The following DHX29 variants were observed in gnomAD, a reference collection of about 807,000 sequenced individuals.
DHX29 encodes the protein ATP-dependent RNA helicase DHX29.
DHX29 carries 79 observed loss-of-function variants against 167.9 expected under a neutral mutation model. The observed-to-expected ratio is 0.47, with a 90% CI of 0.39 to 0.57. The LOEUF (loss-of-function observed/expected upper bound fraction) is 0.57. DHX29 is among the 20% of genes least tolerant of loss of function. DHX29 has a pLI of 0.00. For missense variants in DHX29, 1,347 were observed against 1,593.4 expected (o/e 0.85, Z 2.63); for synonymous variants, 530 against 546.0 (o/e 0.97, Z 0.41).
chr5:55,262,696 T>C lies in DHX29; in HGVS notation c.3762A>G (p.Ala1254=), dbSNP rs1746366858. ...GATTTACTGAGGATGGGTGTACTTG[T>C]GCTTTGCCTTGGGCCGTCTCCACAA... ...ACIVETAQGK[A]QVHPSSVNRD... The change falls in exon 24 of 27, where the codon GCA becomes GCG. Residue 1254 remains alanine (A), a synonymous_variant. Coordinates refer to ENST00000251636, the MANE Select transcript of DHX29 (RefSeq NM_019030.4). 1 of 1,614,050 alleles carries C rather than the reference T, an allele frequency of 6.2e-7. No individual in the cohort carries two copies. Among genetic ancestry groups the C allele is most frequent in the Non-Finnish European group, 8.5e-7 (1 of 1,180,006 alleles).
chr5:55,297,913 T>A (rs1265228656), intron 2 of DHX29, among the ~76,000 whole-genome samples: 4 of 152,276 alleles, frequency 2.6e-5, no homozygotes, highest in African/African-American at 9.6e-5. Context: ...TGTTCTTTTG[T>A]TATTTTTGAC....
At chr5:55,297,518 C>T in intron 2 of DHX29, 120 bp from the exon 3 acceptor site, 1 of 609,242 alleles carries the variant, frequency 1.6e-6, no homozygotes, top group Non-Finnish European at 2.9e-6. Context: ...AAATCAGATA[C>T]AGTAATTATC....
intron 8 of DHX29, among the ~76,000 whole-genome samples, chr5:55,288,037 C>T (rs897286143): frequency 1.3e-5 from 2 of 151,168 alleles, no homozygotes; most frequent in African/African-American, 4.9e-5. Flanking sequence ...GAGGTCAGGA[C>T]TTCAAGACTA....
At position 55,274,848 on chromosome 5, in the gene DHX29, TTAGAA is replaced by T; in HGVS notation, c.2572+13_2572+17del. The T allele has an allele frequency of 6.2e-7, 1 of 1,606,724 alleles. No homozygotes were observed. The highest frequency in any genetic ancestry group is 1.1e-5 in the South Asian group (1 of 89,416). ...TTTTATCAAATCAAATGGAGACCCATTAGAAATAGAAATATACCTAAGTATGCAAG... is the reference window on the plus strand; with the variant it reads ...TTTTATCAAATCAAATGGAGACCCATATAGAAATATACCTAAGTATGCAAG... On this transcript the variant is annotated intron_variant, in intron 15 of 26. Transcript: ENST00000251636.
chr5:55,289,895 T>C (rs1747948081), intron 7 of DHX29, among the ~76,000 whole-genome samples: 1 of 152,202 alleles, frequency 6.6e-6, no homozygotes, highest in Non-Finnish European at 1.5e-5. Context: ...TTCAAGTAGT[T>C]ATAAGAACAT....
At position 55,304,833 on chromosome 5, in the gene DHX29, G is replaced by A. The variant is rs372216577; in HGVS notation, c.187+2554C>T. 2.5e-4 allele frequency among the ~76,000 whole-genome samples: 38 copies of A among 152,340 alleles called. 2 individuals carry two copies. The East Asian group carries it at 6.4e-3, about 25-fold the overall frequency. ...ATTGGAAAGATAAGGAGGGACGGAA[G>A]TAGAGTAGAACCATTACATCTACAT... On this transcript the variant is annotated intron_variant, in intron 1 of 26. Coordinates refer to ENST00000251636, the MANE Select transcript of DHX29 (RefSeq NM_019030.4).
intron 12 of DHX29, among the ~76,000 whole-genome samples, chr5:55,280,160 G>A (rs1363987911): frequency 2.0e-5 from 3 of 152,112 alleles, no homozygotes; most frequent in Admixed American, 6.6e-5. Context: ...TTAACATGAC[G>A]ATGAATTTCA....
At chr5:55,269,825 G>A (rs1440048989) in intron 20 of DHX29, among the ~76,000 whole-genome samples, 188 bp from the exon 21 acceptor site, 1 of 151,784 alleles carries the variant, frequency 6.6e-6, no homozygotes, top group Non-Finnish European at 1.5e-5. Flanking sequence ...GTGTATGAGT[G>A]TATGTGTGTG....
At position 55,270,712 on chromosome 5, in the gene DHX29, G is replaced by T. The variant is rs1464543147; in HGVS notation, c.2865-6C>A. 1.2e-6 allele frequency: 2 copies of T among 1,607,010 alleles called. No individual in the cohort carries two copies. Among genetic ancestry groups the T allele is most frequent in the Admixed American group, 1.7e-5 (1 of 59,882 alleles). On this transcript the variant is annotated splice_region_variant and splice_polypyrimidine_tract_variant and intron_variant, in intron 18 of 26. Transcript: ENST00000251636. Reference sequence around the variant, plus strand: ...TCTGACTGCTTTCATGGTACCTAAAGAAATGTTTTAGGAGAGAATATGTAG... The same window carrying T: ...TCTGACTGCTTTCATGGTACCTAAATAAATGTTTTAGGAGAGAATATGTAG...
At position 55,304,675 on chromosome 5, in the gene DHX29, G is replaced by A. The variant is rs115388040; in HGVS notation, c.187+2712C>T. Among the ~76,000 whole-genome samples the A allele has an allele frequency of 4.2e-3, 630 of 151,196 alleles. 1 individual carries two copies. Among genetic ancestry groups the A allele is most frequent in the African/African-American group, 0.012 (509 of 41,132 alleles). On this transcript the variant is annotated intron_variant, in intron 1 of 26. Transcript: ENST00000251636. The stretch of plus-strand genomic sequence containing the variant: ...CCTCTCCCCACCCTCCTCCCTATTC[G>A]GCCTCTTCAGAAATTCTTTCATGAG...
chr5:55,271,312 C>T (rs1381465438), intron 18 of DHX29, among the ~76,000 whole-genome samples: 4 of 152,200 alleles, frequency 2.6e-5, no homozygotes, highest in South Asian at 2.1e-4. Context: ...GTTCCAGTTA[C>T]TGAACTAGGC....
At chr5:55,267,098 T>C in intron 23 of DHX29, 40 bp downstream of exon 23, 1 of 1,330,126 alleles carries the variant, frequency 7.5e-7, no homozygotes, top group Non-Finnish European at 1.1e-6. Flanking sequence ...TTATTATAGT[T>C]ACCCATGACT....
chr5:55,300,929 A>C (rs1030639387), intron 1 of DHX29, among the ~76,000 whole-genome samples: 3 of 152,148 alleles, frequency 2.0e-5, no homozygotes, highest in Non-Finnish European at 4.4e-5. Flanking sequence ...GGTACCAGCA[A>C]GGGAGGTTTC....
chr5:55,293,738 T>C (rs1326540646), intron 6 of DHX29, among the ~76,000 whole-genome samples: 1 of 152,166 alleles, frequency 6.6e-6, no homozygotes, highest in African/African-American at 2.4e-5. Flanking sequence ...GTGCCTTATC[T>C]TTTTTTATTA....
rs1747848749 is a variant in DHX29 at position 55,288,250 on chromosome 5, A to G, written c.1066+1020T>C. On this transcript the variant is annotated intron_variant, in intron 8 of 26. Transcript: ENST00000251636. ...AAGAGTGAAACTCCATCTCAAAAAC[A>G]AAAAACAACAACAAAAAAGCTATAA... Among the ~76,000 whole-genome samples, 13 of 152,106 alleles carry G rather than the reference A, an allele frequency of 8.5e-5. 1 individual carries two copies. In the South Asian group the frequency reaches 2.7e-3, roughly 32 times the overall value.
At position 55,289,352 on chromosome 5, in the gene DHX29, C is replaced by G. The variant is rs1473396667; in HGVS notation, c.984G>C (p.Lys328Asn). The G allele has an allele frequency of 6.2e-7, 1 of 1,600,576 alleles. No homozygotes were observed. Among genetic ancestry groups the G allele is most frequent in the East Asian group, 2.3e-5 (1 of 44,048 alleles). Reference sequence around the variant, plus strand: ...TTTCTCCTTCTGTGGCTACAGGAGGCTTTTTCCTTTCATTTTGTTGATGTG... The same window carrying G: ...TTTCTCCTTCTGTGGCTACAGGAGGGTTTTTCCTTTCATTTTGTTGATGTG... ...KISHQQNERK[K>N]PPVATEGESA... Residue 328 changes from lysine (K) to asparagine (N), a missense_variant, in exon 8 of 27, where the codon AAG becomes AAC. Lys to Asn is a moderately conservative substitution (Grantham distance 94, BLOSUM62 0). Coordinates refer to ENST00000251636, the MANE Select transcript of DHX29 (RefSeq NM_019030.4).
intron 12 of DHX29, among the ~76,000 whole-genome samples, chr5:55,279,868 G>C (rs1021395760): frequency 4.0e-5 from 6 of 150,066 alleles, no homozygotes; most frequent in Non-Finnish European, 8.8e-5. Context: ...CACTGCTCCT[G>C]GCCAGATTTT....
At chr5:55,281,007 G>A (rs1747372383) in intron 12 of DHX29, among the ~76,000 whole-genome samples, 1 of 151,400 alleles carries the variant, frequency 6.6e-6, no homozygotes, top group African/African-American at 2.4e-5. Flanking sequence ...ACAGCCTGAT[G>A]ATTTTTATAC....
chr5:55,271,943 A>G (rs1746871693), intron 18 of DHX29, 144 bp downstream of exon 18: 1 of 476,076 alleles, frequency 2.1e-6, no homozygotes, highest in South Asian at 4.8e-5. Flanking sequence ...AAAGTTTCCT[A>G]TAGTTTCTCT....
Sources: gnomAD v4.1 joint callset for allele counts (sites outside exome capture counted in the v4.1 genomes callset) on GRCh38, gnomAD v4.1.1 for gene constraint, MANE v1.5 for transcripts, NCBI Gene and HGNC (gene_info 2026-07-23, HGNC 2026-07-21) for gene names.